The following DOT1L variants were observed in gnomAD, a reference collection of about 807,000 sequenced individuals.
The protein encoded by DOT1L is histone-lysine N-methyltransferase, H3 lysine-79 specific.
Under a neutral mutation model 153.3 loss-of-function variants are expected in DOT1L, and 33 were observed. The observed-to-expected ratio is 0.22, with a 90% CI of 0.16 to 0.29. DOT1L has a LOEUF of 0.29. Among genes scored for constraint, DOT1L ranks in the 10% least tolerant of loss-of-function variants. The pLI, the probability that DOT1L is intolerant of heterozygous loss-of-function variation, is 1.00. For synonymous variants in DOT1L, 1,135 were observed against 965.1 expected (o/e 1.18, Z -3.26); for missense variants, 1,847 against 2,119.9 (o/e 0.87, Z 2.53).
intron 1 of DOT1L, among the ~76,000 whole-genome samples, chr19:2,167,723 TC>T (rs2019979012): frequency 7.6e-6 from 1 of 131,100 alleles, no homozygotes; most frequent in Non-Finnish European, 1.8e-5. Flanking sequence ...GTTCTGATTT[TC>T]TTTTCTTTTC....
In DOT1L at chr19:2,231,690, C is replaced by T. The variant is rs750109620; in HGVS notation, c.*1898C>T. 11 of 213,746 alleles carry T rather than the reference C, an allele frequency of 5.1e-5. No individual in the cohort carries two copies. Among genetic ancestry groups the T allele is most frequent in the Non-Finnish European group, 8.5e-5 (9 of 105,854 alleles). 13.2% of individuals were successfully genotyped at this position (213,746 alleles called of 1,614,324 possible). A position where few individuals can be genotyped will look rare whatever the true frequency, so the allele number is the denominator to read the frequency against. ...TCAGGACAGGCAGCCTGCTCTGTGT[C>T]GCCACGGGCCGGATACGCCACAGGG... On this transcript the variant is annotated 3_prime_UTR_variant, in exon 28 of 28. Transcript: ENST00000398665.
chr19:2,223,629 G>GA (rs2024216408), intron 25 of DOT1L, 143 bp downstream of exon 25: 2 of 1,024,530 alleles, frequency 2.0e-6, no homozygotes, highest in Non-Finnish European at 2.8e-6. Context: ...CGTCTGTTTT[G>GA]TGAGGGGCCT....
rs2019991183 is a variant in DOT1L, at chr19:2,167,980, C to T, written c.81+3715C>T. ...AAACTCCTGACCTCAGGTGATCCGT[C>T]CACCTCGGCCTCCCAGAGTGCTGGG... On this transcript the variant is annotated intron_variant, in intron 1 of 27. Transcript: ENST00000398665. Among the ~76,000 whole-genome samples, 2 of 152,142 alleles carry T rather than the reference C, an allele frequency of 1.3e-5. 1 individual carries two copies. Among genetic ancestry groups the T allele is most frequent in the South Asian group, 4.1e-4 (2 of 4,836 alleles).
chr19:2,226,102 G>C (rs1234560075), intron 26 of DOT1L, 81 bp from the exon 27 acceptor site: 3 of 1,428,170 alleles, frequency 2.1e-6, no homozygotes, highest in African/African-American at 1.4e-5. Context: ...TGCCCGGGCC[G>C]TGGCAGCAGC....
At chr19:2,185,708 G>A (rs2022467204) in intron 2 of DOT1L, 147 bp from the exon 3 acceptor site, 2 of 764,182 alleles carry the variant, frequency 2.6e-6, no homozygotes, top group Non-Finnish European at 4.4e-6. Context: ...GGCGGAGCTT[G>A]CAGTGAGCCA....
At chr19:2,187,032 C>T (rs1204137321) in intron 3 of DOT1L, among the ~76,000 whole-genome samples, 3 of 152,234 alleles carry the variant, frequency 2.0e-5, no homozygotes, top group Non-Finnish European at 2.9e-5. Flanking sequence ...TTCGGGTTTT[C>T]ACGGAGGCTT....
chr19:2,213,424 C>A, intron 16 of DOT1L, 115 bp from the exon 17 acceptor site: 1 of 1,048,862 alleles, frequency 9.5e-7, no homozygotes, highest in Non-Finnish European at 1.4e-6. Context: ...TCCCCTCAGG[C>A]ATGTCTGTCC....
rs746105604 is a variant in DOT1L, at chr19:2,210,516, GC to G, written c.1116+10del. 2 of 1,593,312 alleles carry G rather than the reference GC, an allele frequency of 1.3e-6. No individual in the cohort carries two copies. Among genetic ancestry groups the G allele is most frequent in the Non-Finnish European group, 1.7e-6 (2 of 1,169,872 alleles). The stretch of plus-strand genomic sequence containing the variant: ...GCCCCGCCGACGCCCCCATGGTAAG[GC>G]CCCAGCCTGGCTCCTGCTGCTGGAG... On this transcript the variant is annotated splice_region_variant and intron_variant, in intron 13 of 27. Transcript: ENST00000398665.
At position 2,213,829 on chromosome 19, in the gene DOT1L, C is replaced by T. The variant is rs780367321; in HGVS notation, c.1660-20C>T. 3.1e-6 allele frequency: 5 copies of T among 1,612,744 alleles called. No homozygotes were observed. Among genetic ancestry groups the T allele is most frequent in the Middle Eastern group, 3.3e-4 (2 of 6,082 alleles). On this transcript the variant is annotated intron_variant, in intron 17 of 27. Coordinates refer to ENST00000398665, the MANE Select transcript of DOT1L (RefSeq NM_032482.3). ...CTTGGAGGCCACCAGCATGACCTCT[C>T]CCCCGCCCCATGTCCCCAGCTGGGT...
rs1185904108 is a variant in DOT1L at position 2,193,769 on chromosome 19, G to A, written c.574G>A (p.Ala192Thr). The change falls in exon 6 of 28, where the codon GCC becomes ACC. Residue 192 changes from alanine to threonine, a missense_variant. By Grantham distance (58) the Ala-to-Thr change is moderately conservative (BLOSUM62 0). Coordinates refer to ENST00000398665, the MANE Select transcript of DOT1L (RefSeq NM_032482.3). The surrounding 1 kb of genome is among the most constrained non-coding windows in gnomAD (Gnocchi z 5.9). Reference protein sequence around the residue: ...HYGVEKADIPAKYAETMDREF... With the variant: ...HYGVEKADIPTKYAETMDREF... The stretch of plus-strand genomic sequence containing the variant: ...TGGCGTCGAGAAAGCAGACATCCCG[G>A]CCAAGTATGCGGAGGTGAGCGGATC... 2 of 1,613,950 alleles carry A rather than the reference G, an allele frequency of 1.2e-6. No homozygotes were observed. Among genetic ancestry groups the A allele is most frequent in the Non-Finnish European group, 1.7e-6 (2 of 1,179,942 alleles).
intron 23 of DOT1L, chr19:2,221,763 C>T (rs1346761178): frequency 8.9e-6 from 5 of 559,684 alleles, no homozygotes; most frequent in Non-Finnish European, 1.6e-5. Context: ...CCCAGATGGG[C>T]GGGAGGAGGC....
intron 14 of DOT1L, 30 bp downstream of exon 14, chr19:2,210,885 T>A: frequency 6.2e-7 from 1 of 1,605,680 alleles, no homozygotes; most frequent in African/African-American, 1.3e-5. Flanking sequence ...CGGCCCCCGC[T>A]CTCCCCGAGT....
In DOT1L at chr19:2,214,613, G is replaced by C. The variant is rs757333505; in HGVS notation, c.1923+17G>C. On this transcript the variant is annotated intron_variant, in intron 19 of 27. Transcript: ENST00000398665. ...GAGCTGCAGGTGGGCTGCGCGCGAG[G>C]CTGCACTCCGTGGTGTCCGAGCCTC... The C allele has an allele frequency of 1.2e-6, 2 of 1,609,504 alleles. No individual in the cohort carries two copies. Among genetic ancestry groups the C allele is most frequent in the South Asian group, 2.2e-5 (2 of 90,706 alleles).
At position 2,191,837 on chromosome 19, in the gene DOT1L, C is replaced by T. The variant is rs143226852; in HGVS notation, c.493+597C>T. Among the ~76,000 whole-genome samples, 341 of 152,310 alleles carry T rather than the reference C, an allele frequency of 2.2e-3. 2 individuals are homozygous for T. The highest frequency in any genetic ancestry group is 7.6e-3 in the African/African-American group (318 of 41,586). ...TTCAGCCTCTGCCTGCACTCAGACT[C>T]TGCTTGTGAGGTGTCGTCTCCTCTC... On this transcript the variant is annotated intron_variant, in intron 5 of 27. Transcript: ENST00000398665. The surrounding 1 kb of genome is among the most constrained non-coding windows in gnomAD (Gnocchi z 6.8).
At position 2,164,253 on chromosome 19, in the gene DOT1L, G is replaced by A. The variant is rs2144620558; in HGVS notation, c.69G>A (p.Pro23=). 3 of 1,278,400 alleles carry A rather than the reference G, an allele frequency of 2.3e-6. No homozygotes were observed. The highest frequency in any genetic ancestry group is 2.0e-6 in the Non-Finnish European group (2 of 1,009,308). The allele number at this position is 1,278,400 out of a possible 1,614,324, so 79.2% of individuals were successfully genotyped here. A position where few individuals can be genotyped will look rare whatever the true frequency, so the allele number is the denominator to read the frequency against. The change falls in exon 1 of 28, where the codon CCG becomes CCA. Residue 23 remains proline, a synonymous_variant. Transcript: ENST00000398665. ...CTGAGCCCGCCGTCTACCCGTGGCC[G>A]CTGCCGGTCTACGTGAGTGCCGCCC... ...VGAEPAVYPW[P]LPVYDKHHDA...
intron 1 of DOT1L, among the ~76,000 whole-genome samples, chr19:2,170,501 G>T (rs2021555331): frequency 6.6e-6 from 1 of 152,142 alleles, no homozygotes; most frequent in African/African-American, 2.4e-5. Context: ...GGTACCCGGG[G>T]ATTCATCAGT....
chr19:2,208,783 C>A lies in DOT1L; in HGVS notation c.964-152C>A. On this transcript the variant is annotated intron_variant, in intron 11 of 27. Transcript: ENST00000398665. The surrounding 1 kb of genome is among the most constrained non-coding windows in gnomAD (Gnocchi z 4.4). ...GGGTTAGTCACATCCGCGTTTGCCACTGGGGGGCTCTAGCTGCATGCCTGC... is the reference window on the plus strand; with the variant it reads ...GGGTTAGTCACATCCGCGTTTGCCAATGGGGGGCTCTAGCTGCATGCCTGC... 2 of 764,510 alleles carry A rather than the reference C, an allele frequency of 2.6e-6. No homozygotes were observed. The highest frequency in any genetic ancestry group is 4.3e-6 in the Non-Finnish European group (2 of 464,444). 47.4% of individuals were successfully genotyped at this position (764,510 alleles called of 1,614,324 possible).
chr19:2,224,081 T>C (rs2024231152), intron 25 of DOT1L, among the ~76,000 whole-genome samples: 1 of 152,158 alleles, frequency 6.6e-6, no homozygotes, highest in South Asian at 2.1e-4. Flanking sequence ...GGATGTGGCC[T>C]TTTGTGTCTG....
At chr19:2,186,425 G>A (rs1329517849) in intron 3 of DOT1L, among the ~76,000 whole-genome samples, 1 of 152,224 alleles carries the variant, frequency 6.6e-6, no homozygotes, top group Non-Finnish European at 1.5e-5. Flanking sequence ...GCTGTCTCTG[G>A]AATGCTTGCT....
Sources: allele counts gnomAD v4.1 joint callset (sites outside exome capture counted in the v4.1 genomes callset), GRCh38; gene constraint gnomAD v4.1.1; non-coding constraint Gnocchi (gnomAD v3.1); transcripts MANE v1.5; gene names NCBI Gene and HGNC (gene_info 2026-07-23, HGNC 2026-07-21).